ARHGAP10: variants seen among roughly 807,000 people sequenced by gnomAD.
ARHGAP10 encodes rho GTPase-activating protein 10.
A neutral mutation model predicts 108.6 loss-of-function variants in ARHGAP10; 87 were observed. The observed-to-expected ratio is 0.80, with a 90% CI of 0.67 to 0.96. ARHGAP10 has a LOEUF of 0.96. Ranked by LOEUF, ARHGAP10 falls within the 40% of genes least tolerant of loss-of-function variation. The pLI is 0.00. For synonymous variants in ARHGAP10, 347 were observed against 341.1 expected (o/e 1.02, Z -0.19); for missense variants, 939 against 954.5 (o/e 0.98, Z 0.21).
chr4:147,839,825 A>G (rs1160397673), intron 3 of ARHGAP10, among the ~76,000 whole-genome samples: 1 of 152,198 alleles, frequency 6.6e-6, no homozygotes, highest in Non-Finnish European at 1.5e-5. Context: ...TCCTTTTTAG[A>G]CATTTAAGAT....
Position 147,746,805 on chromosome 4 carries a change from A to C in ARHGAP10, c.154+14350A>C, listed in dbSNP as rs556153969. Among the ~76,000 whole-genome samples the C allele has an allele frequency of 3.9e-5, 6 of 152,296 alleles. No homozygotes were observed. The East Asian group carries it at 9.6e-4, about 24-fold the overall frequency. On this transcript the variant is annotated intron_variant, in intron 1 of 22. Coordinates refer to ENST00000336498, the MANE Select transcript of ARHGAP10 (RefSeq NM_024605.4). The stretch of plus-strand genomic sequence containing the variant: ...ATGGTAAATGATGTCTACACACTCA[A>C]ATTGTAGATTTATGGCAGGACATCG...
chr4:147,739,866 G>A (rs529352114), intron 1 of ARHGAP10, among the ~76,000 whole-genome samples: 277 of 146,766 alleles, frequency 1.9e-3, no homozygotes, highest in Non-Finnish European at 3.4e-3. Flanking sequence ...CTCCCAAGTA[G>A]CTGGGATTAC....
chr4:147,806,884 GA>G (rs1731808939), intron 1 of ARHGAP10, among the ~76,000 whole-genome samples: 1 of 152,096 alleles, frequency 6.6e-6, no homozygotes, highest in East Asian at 1.9e-4. Context: ...CCAACATTTT[GA>G]ATAGCATTGC....
intron 3 of ARHGAP10, among the ~76,000 whole-genome samples, chr4:147,839,732 T>C (rs943315507): frequency 2.0e-5 from 3 of 152,216 alleles, no homozygotes; most frequent in Non-Finnish European, 4.4e-5. Context: ...TCTGATTCTC[T>C]GCAGGTTGGT....
At chr4:147,841,658 T>G (rs1303715999) in intron 3 of ARHGAP10, among the ~76,000 whole-genome samples, 1 of 152,156 alleles carries the variant, frequency 6.6e-6, no homozygotes, top group Admixed American at 6.5e-5. Flanking sequence ...AAAAGGAAAT[T>G]CTTGTTGCTC....
intron 19 of ARHGAP10, among the ~76,000 whole-genome samples, chr4:148,043,422 TG>T (rs1422462689): frequency 6.6e-6 from 1 of 151,420 alleles, no homozygotes; most frequent in Non-Finnish European, 1.5e-5. Flanking sequence ...AAATGATAGG[TG>T]AAAAATAATG....
chr4:148,057,790 C>T (rs932758310), intron 20 of ARHGAP10, among the ~76,000 whole-genome samples: 2 of 152,260 alleles, frequency 1.3e-5, no homozygotes, highest in Admixed American at 1.3e-4. Context: ...ATTGGGCATT[C>T]TCCACTCACT....
At chr4:147,792,911 A>T (rs993719998) in intron 1 of ARHGAP10, among the ~76,000 whole-genome samples, 1 of 152,178 alleles carries the variant, frequency 6.6e-6, no homozygotes, top group African/African-American at 2.4e-5. Flanking sequence ...GCACTTTGGG[A>T]GGCCGAGGCA....
At chr4:147,735,340 A>G (rs1728372772) in intron 1 of ARHGAP10, among the ~76,000 whole-genome samples, 1 of 152,236 alleles carries the variant, frequency 6.6e-6, no homozygotes, top group African/African-American at 2.4e-5. Flanking sequence ...ACATTTAGTG[A>G]CAAGTATTCT....
At chr4:148,063,326 AAT>A (rs1434249284) in intron 21 of ARHGAP10, 26 bp downstream of exon 21, 2 of 1,613,734 alleles carry the variant, frequency 1.2e-6, no homozygotes, top group South Asian at 2.2e-5. Context: ...TGGAATGTGG[AAT>A]ATGGTGGCAG....
At position 148,063,376 on chromosome 4, in the gene ARHGAP10, G is replaced by C. The variant is rs183301156; in HGVS notation, c.2180+76G>C. 2.6e-6 allele frequency: 4 copies of C among 1,567,508 alleles called. No homozygotes were observed. In the Admixed American group the frequency reaches 5.4e-5, roughly 21 times the overall value. On this transcript the variant is annotated intron_variant, in intron 21 of 22. Coordinates refer to ENST00000336498, the MANE Select transcript of ARHGAP10 (RefSeq NM_024605.4). ...GCTTGATGAACCTGAGCAGGTTCTTGTGTTCTCTGCTGGCAAAAGCTTGCC... is the reference window on the plus strand; with the variant it reads ...GCTTGATGAACCTGAGCAGGTTCTTCTGTTCTCTGCTGGCAAAAGCTTGCC...
At chr4:147,848,629 A>G (rs1018910610) in intron 4 of ARHGAP10, among the ~76,000 whole-genome samples, 1 of 152,226 alleles carries the variant, frequency 6.6e-6, no homozygotes, top group South Asian at 2.1e-4. Context: ...TTCCGTGTAA[A>G]CAACATCCAT....
chr4:147,932,204 G>C (rs116542854), intron 13 of ARHGAP10, among the ~76,000 whole-genome samples: 2,000 of 152,174 alleles, frequency 0.013, 21 homozygotes, highest in Middle Eastern at 0.034. Context: ...ACACACTATC[G>C]GTGGGAGTGT....
chr4:148,000,648 G>A (rs1740679219), intron 18 of ARHGAP10, among the ~76,000 whole-genome samples: 2 of 152,154 alleles, frequency 1.3e-5, no homozygotes, highest in Admixed American at 6.5e-5. Context: ...ATCTCATTGT[G>A]GTTTTGATTT....
intron 10 of ARHGAP10, among the ~76,000 whole-genome samples, chr4:147,886,918 G>A (rs1396383438): frequency 6.6e-6 from 1 of 152,104 alleles, no homozygotes; most frequent in African/African-American, 2.4e-5. Context: ...CTACAAGTGT[G>A]TGCCACTATA....
intron 1 of ARHGAP10, among the ~76,000 whole-genome samples, chr4:147,802,140 ACTTATTC>A (rs1329928628): frequency 1.3e-5 from 2 of 152,234 alleles, no homozygotes; most frequent in East Asian, 3.9e-4. Flanking sequence ...TTCCATATGG[ACTTATTC>A]CTTTTGCTTC....
At chr4:147,786,910 T>TCCAG (rs1183582958) in intron 1 of ARHGAP10, among the ~76,000 whole-genome samples, 7 of 152,208 alleles carry the variant, frequency 4.6e-5, no homozygotes, top group African/African-American at 1.7e-4. Flanking sequence ...AGTGGCCTTC[T>TCCAG]CCAGGGTCAC....
At chr4:147,964,350 A>G (rs1739122441) in intron 16 of ARHGAP10, among the ~76,000 whole-genome samples, 1 of 152,144 alleles carries the variant, frequency 6.6e-6, no homozygotes, top group Non-Finnish European at 1.5e-5. Flanking sequence ...TGCAGAAACT[A>G]CAGTAGAGGC....
intron 3 of ARHGAP10, among the ~76,000 whole-genome samples, chr4:147,840,890 A>C (rs992587140): frequency 6.6e-6 from 1 of 152,240 alleles, no homozygotes; most frequent in Admixed American, 6.5e-5. Flanking sequence ...TATATTTTTT[A>C]AAAATACAAG....
Sources: allele counts gnomAD v4.1 joint callset (sites outside exome capture counted in the v4.1 genomes callset), GRCh38; gene constraint gnomAD v4.1.1; transcripts MANE v1.5; gene names NCBI Gene and HGNC (gene_info 2026-07-23, HGNC 2026-07-21).